Variants in TMEM236 observed in about 807,000 individuals in gnomAD.
The protein encoded by TMEM236 is transmembrane protein 236, also known as family with sequence similarity 23, member A.
A neutral mutation model predicts 14.7 loss-of-function variants in TMEM236; 11 were observed. That is an observed-to-expected ratio of 0.75 (90% confidence interval 0.47 to 1.24). The LOEUF is 1.24. Ranked by LOEUF, TMEM236 falls within the 50% of genes most tolerant of loss-of-function variation. The pLI, the probability that TMEM236 is intolerant of heterozygous loss-of-function variation, is 0.00. For synonymous variants in TMEM236, 182 were observed against 168.6 expected (o/e 1.08, Z -0.62); for missense variants, 464 against 427.3 (o/e 1.09, Z -0.76).
intron 3 of TMEM236, among the ~76,000 whole-genome samples, chr10:17,782,955 C>G (rs1449213610): frequency 1.3e-5 from 2 of 152,062 alleles, no homozygotes; most frequent in Non-Finnish European, 2.9e-5. Context: ...GGTTAGAATG[C>G]CTGAGGCGAT....
At position 17,795,948 on chromosome 10, in the gene TMEM236, C is replaced by T. The variant is rs1209749348; in HGVS notation, c.500C>T (p.Thr167Ile). ...KSSENGHIHSTSLQHIKTVTE... is the reference protein window; with the variant it reads ...KSSENGHIHSISLQHIKTVTE... ...AGTGAAAATGGACACATCCATTCAA[C>T]CTCTTTGCAACACATAAAAACTGTG... The change falls in exon 4 of 4, where the codon ACC becomes ATC. Residue 167 changes from threonine (T) to isoleucine (I), a missense_variant. Physicochemically the swap from Thr to Ile is moderately conservative, Grantham distance 89. Transcript: ENST00000377495. 2 of 1,613,788 alleles carry T rather than the reference C, an allele frequency of 1.2e-6. No individual in the cohort carries two copies. Among genetic ancestry groups the T allele is most frequent in the Non-Finnish European group, 1.7e-6 (2 of 1,179,850 alleles).
chr10:17,771,438 T>A, intron 2 of TMEM236, 57 bp downstream of exon 2: 1 of 1,550,226 alleles, frequency 6.5e-7, no homozygotes, highest in Non-Finnish European at 8.9e-7. Context: ...AATTTCTTGT[T>A]ATTGGAATTT....
In TMEM236 at chr10:17,796,042, G is replaced by T; in HGVS notation, c.594G>T (p.Ser198=). ...SPQATNSTQV[S]QPSGAMTRSQ... ...AGGCAACCAACAGCACCCAGGTGTC[G>T]CAGCCATCAGGAGCCATGACACGGA... is the stretch of plus-strand genomic sequence containing the variant. The change falls in exon 4 of 4, where the codon TCG becomes TCT. Residue 198 remains serine (S), a synonymous_variant. Transcript: ENST00000377495. 6.2e-7 allele frequency: 1 copy of T among 1,613,908 alleles called. No individual in the cohort carries two copies. Among genetic ancestry groups the T allele is most frequent in the Admixed American group, 1.7e-5 (1 of 60,014 alleles).
intron 1 of TMEM236, among the ~76,000 whole-genome samples, chr10:17,756,308 TC>T (rs1278869224): frequency 0.013 from 1,992 of 150,994 alleles, 31 homozygotes; most frequent in African/African-American, 0.036. Flanking sequence ...GTATTTTTTT[TC>T]TTTTTGAGAT....
intron 1 of TMEM236, among the ~76,000 whole-genome samples, chr10:17,769,188 G>A (rs1386706883): frequency 6.6e-6 from 1 of 152,232 alleles, no homozygotes; most frequent in African/African-American, 2.4e-5. Flanking sequence ...CAGGAAACCA[G>A]TTAGGAAATA....
At chr10:17,770,609 T>A (rs925954227) in intron 1 of TMEM236, among the ~76,000 whole-genome samples, 1 of 152,194 alleles carries the variant, frequency 6.6e-6, no homozygotes, top group Non-Finnish European at 1.5e-5. Context: ...GGTCTCGATC[T>A]CCTGACCTCG....
chr10:17,774,183 G>A (rs1267549152), intron 2 of TMEM236, among the ~76,000 whole-genome samples: 3 of 151,804 alleles, frequency 2.0e-5, no homozygotes, highest in Admixed American at 6.6e-5. Context: ...TAGCTGGGAC[G>A]ACAGGCATGT....
intron 2 of TMEM236, among the ~76,000 whole-genome samples, chr10:17,775,748 C>T (rs879949642): frequency 0.085 from 12,873 of 152,220 alleles, 593 homozygotes; most frequent in Non-Finnish European, 0.1. Flanking sequence ...GAAGGAGTTA[C>T]CCCTTCAATA....
intron 1 of TMEM236, among the ~76,000 whole-genome samples, chr10:17,769,544 C>T (rs1837532619): frequency 1.3e-5 from 2 of 152,158 alleles, no homozygotes; most frequent in South Asian, 2.1e-4. Context: ...GCATTGTCAT[C>T]GTTTAGAGGT....
Position 17,796,063 on chromosome 10 carries a change from A to G in TMEM236, c.615A>G (p.Thr205=). The G allele has an allele frequency of 1.2e-6, 2 of 1,613,852 alleles. No homozygotes were observed. Among genetic ancestry groups the G allele is most frequent in the Admixed American group, 1.7e-5 (1 of 59,996 alleles). The change falls in exon 4 of 4, where the codon ACA becomes ACG. Residue 205 remains threonine (T), a synonymous_variant. Coordinates refer to ENST00000377495, the MANE Select transcript of TMEM236 (RefSeq NM_001098844.3). ...TQVSQPSGAM[T]RSQESVFMGP... Reference sequence around the variant, plus strand: ...TGTCGCAGCCATCAGGAGCCATGACACGGAGCCAGGAGTCTGTGTTCATGG... The same window carrying G: ...TGTCGCAGCCATCAGGAGCCATGACGCGGAGCCAGGAGTCTGTGTTCATGG...
chr10:17,775,562 C>T (rs1288503768), intron 2 of TMEM236, among the ~76,000 whole-genome samples: 1 of 152,246 alleles, frequency 6.6e-6, no homozygotes, highest in Admixed American at 6.5e-5. Flanking sequence ...GTGTGAGCCA[C>T]CACACCTGGC....
intron 2 of TMEM236, among the ~76,000 whole-genome samples, chr10:17,773,729 T>G (rs1554835014): frequency 6.6e-6 from 1 of 152,380 alleles, no homozygotes; most frequent in Non-Finnish European, 1.5e-5. Flanking sequence ...ATTAACAATG[T>G]TGAGCATCTT....
chr10:17,795,136 A>G (rs1837990036), intron 3 of TMEM236, among the ~76,000 whole-genome samples: 2 of 152,344 alleles, frequency 1.3e-5, no homozygotes, highest in South Asian at 4.1e-4. Flanking sequence ...TTACAAAATG[A>G]CAGGGCCTTT....
Position 17,796,767 on chromosome 10 carries a change from A to G in TMEM236, c.*263A>G, listed in dbSNP as rs1490569135. On this transcript the variant is annotated 3_prime_UTR_variant, in exon 4 of 4. Transcript: ENST00000377495. ...AGCAGCTAATTTTAGTTAGTTATGT[A>G]TACTGAGGTCCCCAACCCCTGGACC... 3 of 460,572 alleles carry G rather than the reference A, an allele frequency of 6.5e-6. No homozygotes were observed. The highest frequency in any genetic ancestry group is 2.2e-5 in the South Asian group (1 of 46,252). The allele number at this position is 460,572 out of a possible 1,614,324, so 28.5% of individuals were successfully genotyped here.
chr10:17,787,078 G>C lies in TMEM236; in HGVS notation c.473-8843G>C, dbSNP rs1837849095. Among the ~76,000 whole-genome samples the C allele has an allele frequency of 2.0e-5, 3 of 152,282 alleles. No individual in the cohort carries two copies. In the South Asian group the frequency reaches 6.2e-4, roughly 32 times the overall value. On this transcript the variant is annotated intron_variant, in intron 3 of 3. Coordinates refer to ENST00000377495, the MANE Select transcript of TMEM236 (RefSeq NM_001098844.3). ...TAAACCTCCTTTTCTTCCCAGTCTT[G>C]GGTAGGTCTTTATCAGCAGCATGAA...
rs1344680461 is a variant in TMEM236, at chr10:17,798,932, G to C, written c.*2428G>C. ...GAAATTTCCTGTTTTATTCTTTTCT[G>C]TGGCCCTGCTCACCCTCTGGGAATA... On this transcript the variant is annotated 3_prime_UTR_variant, in exon 4 of 4. Transcript: ENST00000377495. 3.3e-5 allele frequency: 11 copies of C among 335,320 alleles called. No homozygotes were observed. The highest frequency in any genetic ancestry group is 2.4e-4 in the African/African-American group (11 of 46,344). The allele number at this position is 335,320 out of a possible 1,614,324, so 20.8% of individuals were successfully genotyped here.
At chr10:17,786,515 G>A (rs2131762243) in intron 3 of TMEM236, among the ~76,000 whole-genome samples, 1 of 152,234 alleles carries the variant, frequency 6.6e-6, no homozygotes, top group South Asian at 2.1e-4. Flanking sequence ...TGAGCCCCTG[G>A]CTCAGCTGAT....
At chr10:17,792,677 G>A (rs927540857) in intron 3 of TMEM236, among the ~76,000 whole-genome samples, 1 of 152,206 alleles carries the variant, frequency 6.6e-6, no homozygotes, top group Non-Finnish European at 1.5e-5. Flanking sequence ...AGAATCAGAT[G>A]TGGGAAACTA....
At chr10:17,782,587 G>T (rs1365871321) in intron 3 of TMEM236, among the ~76,000 whole-genome samples, 1 of 152,050 alleles carries the variant, frequency 6.6e-6, no homozygotes, top group Non-Finnish European at 1.5e-5. Context: ...GAGTAGCTGG[G>T]ACTACAGCCG....
Sources: gnomAD v4.1 joint callset for allele counts (sites outside exome capture counted in the v4.1 genomes callset) on GRCh38, gnomAD v4.1.1 for gene constraint, MANE v1.5 for transcripts, NCBI Gene and HGNC (gene_info 2026-07-23, HGNC 2026-07-21) for gene names.